EXT1: variants seen among roughly 807,000 people sequenced by gnomAD.
EXT1 encodes the protein exostosin-1.
A neutral mutation model predicts 82.5 loss-of-function variants in EXT1; 20 were observed. The ratio of observed to expected loss-of-function variants is 0.24; its 90% CI spans 0.17 to 0.35. The LOEUF (loss-of-function observed/expected upper bound fraction) is 0.35. Among genes scored for constraint, EXT1 ranks in the 10% least tolerant of loss-of-function variants. The pLI is 1.00. For missense variants in EXT1, 757 were observed against 936.5 expected (o/e 0.81, Z 2.50); for synonymous variants, 348 against 350.8 (o/e 0.99, Z 0.09).
At chr8:118,100,398 G>A (rs1410589290) in intron 1 of EXT1, among the ~76,000 whole-genome samples, 1 of 152,114 alleles carries the variant, frequency 6.6e-6, no homozygotes, top group Non-Finnish European at 1.5e-5. Context: ...CCCAGTAGCT[G>A]AGCTCCACTC....
chr8:117,854,206 A>T (rs1812502401), intron 1 of EXT1, among the ~76,000 whole-genome samples: 1 of 152,230 alleles, frequency 6.6e-6, no homozygotes, highest in Admixed American at 6.5e-5. Flanking sequence ...TTTGGATTGG[A>T]GCTGGGAACA....
chr8:117,966,749 G>A (rs1427665693), intron 1 of EXT1, among the ~76,000 whole-genome samples: 2 of 152,134 alleles, frequency 1.3e-5, no homozygotes, highest in Non-Finnish European at 1.5e-5. Flanking sequence ...CTTTAAGACT[G>A]AGAACAATAT....
chr8:117,947,376 C>T (rs1814410441), intron 1 of EXT1, among the ~76,000 whole-genome samples: 2 of 152,048 alleles, frequency 1.3e-5, no homozygotes, highest in African/African-American at 4.8e-5. Context: ...CATCTGCATC[C>T]TATAATTTTT....
intron 1 of EXT1, among the ~76,000 whole-genome samples, chr8:117,874,504 A>G (rs1812931432): frequency 6.9e-6 from 1 of 144,828 alleles, no homozygotes; most frequent in South Asian, 2.2e-4. Flanking sequence ...TGAACCTGGC[A>G]GGCGGAGGTT....
chr8:117,872,863 A>G (rs1812898500), intron 1 of EXT1, among the ~76,000 whole-genome samples: 1 of 151,688 alleles, frequency 6.6e-6, no homozygotes, highest in South Asian at 2.1e-4. Flanking sequence ...TGTCCAGTTT[A>G]GGGTTGAGGA....
chr8:118,095,202 G>A (rs1321158076), intron 1 of EXT1, among the ~76,000 whole-genome samples: 1 of 152,152 alleles, frequency 6.6e-6, no homozygotes, highest in African/African-American at 2.4e-5. Context: ...CCTAAGATTT[G>A]TTTTGACATC....
intron 4 of EXT1, among the ~76,000 whole-genome samples, chr8:117,822,876 T>G (rs554026425): frequency 6.6e-6 from 1 of 152,212 alleles, no homozygotes; most frequent in South Asian, 2.1e-4. Flanking sequence ...AATGAGTCCA[T>G]GCTCATTCCA....
chr8:117,911,585 C>G (rs1200289946), intron 1 of EXT1, among the ~76,000 whole-genome samples: 1 of 151,700 alleles, frequency 6.6e-6, no homozygotes, highest in Admixed American at 6.6e-5. Context: ...ATGGGGAACC[C>G]TTTGAGACTG....
intron 1 of EXT1, among the ~76,000 whole-genome samples, chr8:118,002,601 A>G (rs1815695697): frequency 7.4e-6 from 1 of 136,000 alleles, no homozygotes; most frequent in African/African-American, 2.8e-5. Flanking sequence ...GTGCGATCTC[A>G]GCTCACTGCA....
At chr8:117,805,065 A>G (rs577094981) in intron 9 of EXT1, among the ~76,000 whole-genome samples, 172 bp from the exon 10 acceptor site, 3 of 152,286 alleles carry the variant, frequency 2.0e-5, no homozygotes, top group East Asian at 1.9e-4. Flanking sequence ...CTTGTTATAT[A>G]CCAGATATTG....
At chr8:117,947,857 T>C (rs1266824941) in intron 1 of EXT1, among the ~76,000 whole-genome samples, 1 of 152,216 alleles carries the variant, frequency 6.6e-6, no homozygotes, top group Non-Finnish European at 1.5e-5. Flanking sequence ...CAAGTAATAC[T>C]GGGAAGGCAG....
intron 1 of EXT1, among the ~76,000 whole-genome samples, chr8:118,069,473 T>C (rs1431991483): frequency 1.3e-5 from 2 of 152,044 alleles, no homozygotes; most frequent in African/African-American, 4.8e-5. Context: ...TTACAAATCA[T>C]GAAACTACAA....
chr8:117,948,495 T>C (rs1282125576), intron 1 of EXT1, among the ~76,000 whole-genome samples: 1 of 152,162 alleles, frequency 6.6e-6, no homozygotes, highest in Non-Finnish European at 1.5e-5. Flanking sequence ...CTGGACCTAT[T>C]TCCCCCATAA....
chr8:117,847,095 G>T (rs986481190), intron 1 of EXT1, among the ~76,000 whole-genome samples: 1 of 152,096 alleles, frequency 6.6e-6, no homozygotes, highest in Non-Finnish European at 1.5e-5. Context: ...CTTAAGGGCC[G>T]GCCTACTGTA....
chr8:118,025,431 T>C (rs1586349856), intron 1 of EXT1, among the ~76,000 whole-genome samples: 1 of 152,018 alleles, frequency 6.6e-6, no homozygotes, highest in African/African-American at 2.4e-5. Flanking sequence ...GATAACAAAA[T>C]GAGAGAAGAG....
intron 1 of EXT1, among the ~76,000 whole-genome samples, chr8:118,023,728 G>C (rs1261999565): frequency 6.6e-6 from 1 of 152,156 alleles, no homozygotes; most frequent in South Asian, 2.1e-4. Flanking sequence ...AAACTAAAAA[G>C]GGAAAAAGCA....
Position 117,799,701 on chromosome 8 carries a change from A to G in EXT1, c.*11T>C, listed in dbSNP as rs1017361205. 2 of 1,613,744 alleles carry G rather than the reference A, an allele frequency of 1.2e-6. No homozygotes were observed. The highest frequency in any genetic ancestry group is 2.7e-5 in the African/African-American group (2 of 74,820). ...CCTTCTTGCTTCCCCTCCCCCACTC[A>G]GCCGGATTCCTCAAAGTCGCTCAAT... On this transcript the variant is annotated 3_prime_UTR_variant, in exon 11 of 11. Coordinates refer to ENST00000378204, the MANE Select transcript of EXT1 (RefSeq NM_000127.3).
At chr8:117,820,293 A>C (rs563344215) in intron 5 of EXT1, among the ~76,000 whole-genome samples, 5 of 152,348 alleles carry the variant, frequency 3.3e-5, no homozygotes, top group African/African-American at 1.2e-4. Flanking sequence ...TCTACCACTT[A>C]CTGGTCGGGG....
intron 1 of EXT1, among the ~76,000 whole-genome samples, chr8:117,882,694 C>T (rs1228394693): frequency 1.3e-5 from 2 of 151,840 alleles, no homozygotes; most frequent in Non-Finnish European, 1.5e-5. Context: ...TATGATATGG[C>T]GGCCAGGCAC....
Sources: gnomAD v4.1 joint callset for allele counts (sites outside exome capture counted in the v4.1 genomes callset) on GRCh38, gnomAD v4.1.1 for gene constraint, MANE v1.5 for transcripts, NCBI Gene and HGNC (gene_info 2026-07-23, HGNC 2026-07-21) for gene names.